The following SSH2 variants were observed in gnomAD, a reference collection of about 807,000 sequenced individuals.
SSH2 encodes the protein protein phosphatase Slingshot homolog 2.
SSH2 carries 37 observed loss-of-function variants against 135.2 expected under a neutral mutation model. That is an observed-to-expected ratio of 0.27 (90% CI 0.21 to 0.36). SSH2 has a LOEUF of 0.36. Among genes scored for constraint, SSH2 ranks in the 10% least tolerant of loss-of-function variants. The probability of loss-of-function intolerance (pLI) is 1.00; values close to 1 mark genes in which losing one functional copy is unlikely to be tolerated. For synonymous variants in SSH2, 628 were observed against 646.2 expected, an observed-to-expected ratio of 0.97 and a Z score of 0.43; for missense variants, 1,408 against 1,765.3, an observed-to-expected ratio of 0.80 and a Z score of 3.63.
intron 9 of SSH2, among the ~76,000 whole-genome samples, chr17:29,668,813 T>C (rs1357808616): frequency 1.3e-5 from 2 of 152,074 alleles, no homozygotes; most frequent in Admixed American, 1.3e-4. Flanking sequence ...TAAGCAATTT[T>C]CCCCTCAATC....
At chr17:29,730,875 T>C (rs535410887) in intron 3 of SSH2, among the ~76,000 whole-genome samples, 4 of 152,314 alleles carry the variant, frequency 2.6e-5, no homozygotes, top group African/African-American at 9.6e-5. Context: ...ATGAAAAATA[T>C]GATAAGGTGA....
chr17:29,722,273 C>CAAA (rs541297774), intron 3 of SSH2, among the ~76,000 whole-genome samples: 1 of 92,816 alleles, frequency 1.1e-5, no homozygotes. Flanking sequence ...GACATTATCT[C>CAAA]AAAAAAAAAA....
At chr17:29,840,870 A>G (rs1057027822) in intron 2 of SSH2, among the ~76,000 whole-genome samples, 3 of 152,228 alleles carry the variant, frequency 2.0e-5, no homozygotes, top group Admixed American at 2.0e-4. Flanking sequence ...AGGGGAAATG[A>G]GGCTTAGAGT....
rs1017400364 is a variant in SSH2 at position 29,868,455 on chromosome 17, C to T, written c.64-19526G>A. ...AGGTGCTCACATAAAATTCAGTTCC[C>T]GGCTGGGTGCGGTGTCTCATGCCTG... is the stretch of plus-strand genomic sequence containing the variant. On this transcript the variant is annotated intron_variant, in intron 1 of 15. Transcript: ENST00000540801. Among the ~76,000 whole-genome samples the T allele has an allele frequency of 7.9e-5, 12 of 152,146 alleles. No individual in the cohort carries two copies. The East Asian group carries it at 9.7e-4, about 12-fold the overall frequency.
At chr17:29,836,174 T>G (rs1012017489) in intron 2 of SSH2, among the ~76,000 whole-genome samples, 1 of 152,094 alleles carries the variant, frequency 6.6e-6, no homozygotes, top group African/African-American at 2.4e-5. Context: ...ATGGTGAGCA[T>G]AGCCTTGGAA....
At chr17:29,842,755 T>A (rs1599076552) in intron 2 of SSH2, among the ~76,000 whole-genome samples, 1 of 152,162 alleles carries the variant, frequency 6.6e-6, no homozygotes, top group Non-Finnish European at 1.5e-5. Context: ...AAGTAAAAAA[T>A]AAGGATATTG....
chr17:29,757,237 T>TCC (rs1800039671), intron 3 of SSH2, among the ~76,000 whole-genome samples: 1 of 152,208 alleles, frequency 6.6e-6, no homozygotes, highest in Admixed American at 6.5e-5. Flanking sequence ...AAATAACACT[T>TCC]CCCTTTAGGA....
intron 15 of SSH2, among the ~76,000 whole-genome samples, chr17:29,633,736 C>A (rs906876643): frequency 1.3e-5 from 2 of 152,132 alleles, no homozygotes; most frequent in Non-Finnish European, 2.9e-5. Context: ...CTGACCAATG[C>A]AAAATCAGGT....
chr17:29,684,482 TTAA>T, intron 6 of SSH2, 78 bp downstream of exon 6: 1 of 733,928 alleles, frequency 1.4e-6, no homozygotes, highest in Non-Finnish European at 1.9e-6. Context: ...TCCGTCCCCA[TTAA>T]AAAAAAAAAA....
chr17:29,721,014 G>T (rs1333276628), intron 3 of SSH2, among the ~76,000 whole-genome samples: 2 of 152,116 alleles, frequency 1.3e-5, no homozygotes, highest in Non-Finnish European at 2.9e-5. Flanking sequence ...AAGCTTTCTT[G>T]ATGTCCAATC....
chr17:29,699,834 G>A (rs1269545701), intron 4 of SSH2, among the ~76,000 whole-genome samples: 1 of 152,246 alleles, frequency 6.6e-6, no homozygotes, highest in Middle Eastern at 3.4e-3. Context: ...TTTTGGGGAA[G>A]TGTCCTCCCC....
intron 1 of SSH2, among the ~76,000 whole-genome samples, chr17:29,914,588 C>T (rs1004467675): frequency 6.6e-6 from 1 of 150,838 alleles, no homozygotes; most frequent in African/African-American, 2.4e-5. Context: ...ACAAAAAACC[C>T]CAAAGAGTAT....
At chr17:29,753,774 T>TA (rs1242328620) in intron 3 of SSH2, among the ~76,000 whole-genome samples, 2 of 138,764 alleles carry the variant, frequency 1.4e-5, no homozygotes, top group East Asian at 4.1e-4. Context: ...GCCTGGGCGA[T>TA]AGAGTGAGAC....
chr17:29,635,563 A>T (rs2035876141), intron 15 of SSH2, among the ~76,000 whole-genome samples: 1 of 150,538 alleles, frequency 6.6e-6, no homozygotes, highest in African/African-American at 2.5e-5. Flanking sequence ...GCCCGCCACC[A>T]CACCTGGCTA....
At chr17:29,909,481 A>G (rs972875206) in intron 1 of SSH2, among the ~76,000 whole-genome samples, 1 of 152,204 alleles carries the variant, frequency 6.6e-6, no homozygotes, top group African/African-American at 2.4e-5. Context: ...GTAAAAGAAA[A>G]ATTATCACAG....
At chr17:29,658,570 T>C (rs2151016444) in intron 11 of SSH2, among the ~76,000 whole-genome samples, 1 of 152,212 alleles carries the variant, frequency 6.6e-6, no homozygotes, top group Non-Finnish European at 1.5e-5. Context: ...AAAAGCTTAT[T>C]AAAAAGTAAA....
At chr17:29,700,109 C>T (rs145888755) in intron 4 of SSH2, among the ~76,000 whole-genome samples, 1 of 152,198 alleles carries the variant, frequency 6.6e-6, no homozygotes, top group Non-Finnish European at 1.5e-5. Flanking sequence ...CAACTACTGG[C>T]TCAATGGGAT....
At chr17:29,773,963 C>T (rs925223315) in intron 3 of SSH2, among the ~76,000 whole-genome samples, 8 of 152,200 alleles carry the variant, frequency 5.3e-5, no homozygotes, top group Non-Finnish European at 1.0e-4. Context: ...AGCCACCACG[C>T]CCAGCCATTT....
intron 1 of SSH2, among the ~76,000 whole-genome samples, chr17:29,868,326 T>A (rs1355166849): frequency 2.6e-5 from 4 of 152,088 alleles, no homozygotes; most frequent in Non-Finnish European, 5.9e-5. Flanking sequence ...AATTACACAT[T>A]TTGTCCTAGT....
Sources: gnomAD v4.1 joint callset for allele counts (sites outside exome capture counted in the v4.1 genomes callset) on GRCh38, gnomAD v4.1.1 for gene constraint, MANE v1.5 for transcripts, NCBI Gene and HGNC (gene_info 2026-07-23, HGNC 2026-07-21) for gene names.